XIRP2: variants seen among roughly 807,000 people sequenced by gnomAD.
XIRP2 encodes xin actin-binding repeat-containing protein 2.
A neutral mutation model predicts 277.0 loss-of-function variants in XIRP2; 236 were observed. The ratio of observed to expected loss-of-function variants is 0.85; its 90% CI spans 0.77 to 0.95. The LOEUF (loss-of-function observed/expected upper bound fraction) is 0.95. XIRP2 is among the 40% of genes least tolerant of loss of function. The probability of loss-of-function intolerance (pLI) is 0.00; values close to 1 mark genes in which losing one functional copy is unlikely to be tolerated. For missense variants in XIRP2, 4,640 were observed against 4,157.5 expected (o/e 1.12, Z -3.19); for synonymous variants, 1,490 against 1,416.5 (o/e 1.05, Z -1.17).
chr2:166,891,647 G>GA (rs1039310626), intron 1 of XIRP2, among the ~76,000 whole-genome samples: 4 of 151,688 alleles, frequency 2.6e-5, no homozygotes, highest in Admixed American at 2.0e-4. Flanking sequence ...GCTTTATTTG[G>GA]AAAAACACTT....
chr2:167,226,151 T>C (rs1160402834), intron 5 of XIRP2, among the ~76,000 whole-genome samples: 1 of 152,192 alleles, frequency 6.6e-6, no homozygotes. Context: ...GAAGTGGAAA[T>C]GCAAACGCAG....
In XIRP2 at chr2:167,243,422, C is replaced by T. The variant is rs373331298; in HGVS notation, c.2030C>T (p.Ala677Val). Reference sequence around the variant, plus strand: ...ATGCATCAAAGTCAAGAAGAATCAGCGGTAACTATCAGTAAGGACATAACT... The same window carrying T: ...ATGCATCAAAGTCAAGAAGAATCAGTGGTAACTATCAGTAAGGACATAACT... ...NKMHQSQEESAVTISKDITGG... is the reference protein window; with the variant it reads ...NKMHQSQEESVVTISKDITGG... Residue 677 changes from alanine to valine, a missense_variant, in exon 9 of 11, where the codon GCG becomes GTG. Physicochemically the swap from Ala to Val is moderately conservative, Grantham distance 64. Transcript: ENST00000409195. 1.7e-4 allele frequency: 272 copies of T among 1,613,868 alleles called. No individual in the cohort carries two copies. Among genetic ancestry groups the T allele is most frequent in the Middle Eastern group, 5.0e-4 (3 of 6,060 alleles).
In XIRP2 at chr2:167,072,867, C is replaced by A. The variant is rs559002282; in HGVS notation, c.409-63042C>A. Among the ~76,000 whole-genome samples, 11 of 152,196 alleles carry A rather than the reference C, an allele frequency of 7.2e-5. No homozygotes were observed. The South Asian group carries it at 2.3e-3, about 32-fold the overall frequency. ...TCCAAAATCAAACCATACAGAAGGC[C>A]GCATATTTTGCATAAAGTGTATAAA... On this transcript the variant is annotated intron_variant, in intron 2 of 10. Coordinates refer to ENST00000409195, the MANE Select transcript of XIRP2 (RefSeq NM_152381.6).
intron 2 of XIRP2, among the ~76,000 whole-genome samples, chr2:167,130,483 G>A (rs983488045): frequency 2.0e-5 from 3 of 151,660 alleles, no homozygotes; most frequent in Non-Finnish European, 2.9e-5. Flanking sequence ...TTTGGTCACC[G>A]CTGGATCCTA....
intron 2 of XIRP2, among the ~76,000 whole-genome samples, chr2:167,078,206 T>C (rs1471713149): frequency 6.6e-6 from 1 of 152,214 alleles, no homozygotes. Flanking sequence ...CAGTTAGATG[T>C]ATTCCTAGGT....
intron 2 of XIRP2, among the ~76,000 whole-genome samples, chr2:167,043,107 C>G (rs78150425): frequency 0.024 from 3,717 of 152,140 alleles, 158 homozygotes; most frequent in African/African-American, 0.084. Context: ...GAAATGAAGG[C>G]AGAAATCAAG....
intron 5 of XIRP2, among the ~76,000 whole-genome samples, chr2:167,232,414 C>T (rs533255070): frequency 2.0e-5 from 3 of 151,400 alleles, no homozygotes; most frequent in East Asian, 1.9e-4. Context: ...TTTGAGTAAC[C>T]CCCTAAATCT....
At chr2:167,088,393 C>G (rs1026785672) in intron 2 of XIRP2, among the ~76,000 whole-genome samples, 1 of 152,080 alleles carries the variant, frequency 6.6e-6, no homozygotes, top group East Asian at 1.9e-4. Flanking sequence ...TGCCACTGAC[C>G]CACTTAAAGT....
intron 3 of XIRP2, among the ~76,000 whole-genome samples, chr2:167,192,075 A>T (rs1693357093): frequency 6.6e-6 from 1 of 151,932 alleles, no homozygotes; most frequent in Non-Finnish European, 1.5e-5. Context: ...TTAAAAGCAC[A>T]GTCTGGCAAT....
chr2:166,963,916 C>T (rs1040585741), intron 2 of XIRP2, among the ~76,000 whole-genome samples: 1 of 151,626 alleles, frequency 6.6e-6, no homozygotes, highest in East Asian at 1.9e-4. Flanking sequence ...AGACAGTGTT[C>T]GGAGATAATT....
intron 2 of XIRP2, among the ~76,000 whole-genome samples, chr2:167,015,254 A>T (rs1687788671): frequency 6.6e-6 from 1 of 151,896 alleles, no homozygotes; most frequent in African/African-American, 2.4e-5. Flanking sequence ...AGAAAATTTA[A>T]AAGTTCATAT....
intron 2 of XIRP2, among the ~76,000 whole-genome samples, chr2:167,012,865 T>A (rs1687720464): frequency 6.6e-6 from 1 of 151,526 alleles, no homozygotes; most frequent in Admixed American, 6.6e-5. Flanking sequence ...TATCATAGAC[T>A]CCAAAATAGC....
At chr2:166,922,120 A>C (rs1217546913) in intron 2 of XIRP2, among the ~76,000 whole-genome samples, 2 of 152,178 alleles carry the variant, frequency 1.3e-5, no homozygotes, top group African/African-American at 2.4e-5. Context: ...CCAAAGGACA[A>C]ACTGTCTTCT....
intron 3 of XIRP2, among the ~76,000 whole-genome samples, chr2:167,194,311 C>T (rs533710085): frequency 6.6e-6 from 1 of 152,130 alleles, no homozygotes; most frequent in South Asian, 2.1e-4. Flanking sequence ...AAACTCCTCA[C>T]CTCAGGTTAT....
intron 9 of XIRP2, among the ~76,000 whole-genome samples, chr2:167,253,026 A>G (rs1449104879): frequency 3.9e-5 from 6 of 151,914 alleles, no homozygotes; most frequent in Non-Finnish European, 8.8e-5. Flanking sequence ...TGTGTCCTCT[A>G]CTAGAACCAA....
At chr2:166,981,142 T>C (rs544028030) in intron 2 of XIRP2, among the ~76,000 whole-genome samples, 2 of 152,270 alleles carry the variant, frequency 1.3e-5, no homozygotes, top group South Asian at 2.1e-4. Context: ...TATTAATTTA[T>C]TGGGGCTTCC....
rs1221352371 is a variant in XIRP2 at position 167,239,929 on chromosome 2, C to A, written c.933C>A (p.Ser311=). 6.2e-7 allele frequency: 1 copy of A among 1,602,854 alleles called. No homozygotes were observed. The highest frequency in any genetic ancestry group is 1.1e-5 in the South Asian group (1 of 87,970). ...QEMARNEQEG[S]KVQKIDVHGT... The stretch of plus-strand genomic sequence containing the variant: ...TGGCAAGAAATGAACAAGAAGGGTC[C>A]AAAGTACAGAAAATTGATGTTCATG... The change falls in exon 6 of 11, where the codon TCC becomes TCA. Residue 311 remains serine (S), a synonymous_variant. Coordinates refer to ENST00000409195, the MANE Select transcript of XIRP2 (RefSeq NM_152381.6).
intron 3 of XIRP2, among the ~76,000 whole-genome samples, chr2:167,180,026 A>G (rs1353837646): frequency 6.6e-6 from 1 of 152,232 alleles, no homozygotes; most frequent in Non-Finnish European, 1.5e-5. Flanking sequence ...AAATAGAGTT[A>G]TCTGTTCAAA....
At chr2:167,194,720 C>T (rs1693449831) in intron 3 of XIRP2, among the ~76,000 whole-genome samples, 1 of 152,066 alleles carries the variant, frequency 6.6e-6, no homozygotes, top group Admixed American at 6.6e-5. Context: ...CATCTCTTAC[C>T]CTTACCTACT....
Sources: gnomAD v4.1 joint callset for allele counts (sites outside exome capture counted in the v4.1 genomes callset) on GRCh38, gnomAD v4.1.1 for gene constraint, MANE v1.5 for transcripts, NCBI Gene and HGNC (gene_info 2026-07-23, HGNC 2026-07-21) for gene names.